RALGPS1: variants seen among roughly 807,000 people sequenced by gnomAD.
RALGPS1 encodes ras-specific guanine nucleotide-releasing factor RalGPS1.
RALGPS1 carries 19 observed loss-of-function variants against 78.8 expected under a neutral mutation model. That is an observed-to-expected ratio of 0.24 (90% CI 0.17 to 0.35). RALGPS1 has a LOEUF of 0.35. Among genes scored for constraint, RALGPS1 ranks in the 10% least tolerant of loss-of-function variants. The pLI is 1.00. For missense variants in RALGPS1, 454 were observed against 688.3 expected (o/e 0.66, Z 3.81); for synonymous variants, 228 against 256.3 (o/e 0.89, Z 1.06).
chr9:127,018,548 G>T (rs1419949497), intron 4 of RALGPS1, among the ~76,000 whole-genome samples: 2 of 151,838 alleles, frequency 1.3e-5, no homozygotes, highest in African/African-American at 2.4e-5. Flanking sequence ...CACAAGAATC[G>T]CTTGAACCTG....
chr9:127,002,962 A>G (rs940386962), intron 4 of RALGPS1, among the ~76,000 whole-genome samples: 3 of 152,184 alleles, frequency 2.0e-5, no homozygotes, highest in African/African-American at 7.2e-5. Flanking sequence ...GTATATACCC[A>G]GTAATGGGAT....
intron 5 of RALGPS1, among the ~76,000 whole-genome samples, chr9:127,048,742 T>A (rs1232586043): frequency 6.6e-6 from 1 of 152,258 alleles, no homozygotes; most frequent in Non-Finnish European, 1.5e-5. Context: ...AATATAAGGT[T>A]TATGGGCATC....
chr9:127,095,772 C>T (rs1296189838), intron 8 of RALGPS1, among the ~76,000 whole-genome samples: 4 of 152,172 alleles, frequency 2.6e-5, no homozygotes, highest in East Asian at 3.9e-4. Context: ...CTAGTTCACA[C>T]GTAATAGTTA....
At chr9:127,004,666 T>C (rs1307693205) in intron 4 of RALGPS1, among the ~76,000 whole-genome samples, 1 of 152,224 alleles carries the variant, frequency 6.6e-6, no homozygotes, top group African/African-American at 2.4e-5. Context: ...CATCTTTTTG[T>C]GTTTATTTGA....
chr9:127,104,854 A>G (rs2054066761), intron 8 of RALGPS1, among the ~76,000 whole-genome samples: 1 of 152,160 alleles, frequency 6.6e-6, no homozygotes, highest in Admixed American at 6.5e-5. Context: ...TGGCTAAGTG[A>G]TGTCCCTAAG....
intron 1 of RALGPS1, among the ~76,000 whole-genome samples, chr9:126,931,105 G>T (rs2035749284): frequency 6.6e-6 from 1 of 152,206 alleles, no homozygotes; most frequent in Admixed American, 6.5e-5. Flanking sequence ...TCACTTCATG[G>T]CCTAAAATGG....
chr9:127,147,420 C>G (rs1331918698), intron 8 of RALGPS1, among the ~76,000 whole-genome samples: 4 of 152,148 alleles, frequency 2.6e-5, no homozygotes, highest in Admixed American at 6.5e-5. Flanking sequence ...GCTGCATTAG[C>G]TTTTGGGGAC....
At chr9:127,210,061 A>G (rs560464723) in intron 14 of RALGPS1, among the ~76,000 whole-genome samples, 5 of 152,290 alleles carry the variant, frequency 3.3e-5, no homozygotes, top group African/African-American at 7.2e-5. Flanking sequence ...GAGGCTGAAC[A>G]GGAAGCTGCA....
At chr9:126,982,226 CCAG>C (rs1017306058) in intron 4 of RALGPS1, among the ~76,000 whole-genome samples, 4 of 152,164 alleles carry the variant, frequency 2.6e-5, no homozygotes, top group African/African-American at 9.7e-5. Flanking sequence ...GAGCTGGACA[CCAG>C]CAAGTAGGAA....
At position 127,218,713 on chromosome 9, in the gene RALGPS1, A is replaced by T. The variant is rs1330221974; in HGVS notation, c.1645-27A>T. ...TGTCCTTCTCTGAGGTCGGAACTTT[A>T]ACAAGAGGCTGAGCTTTCTCTTCTA... On this transcript the variant is annotated intron_variant, in intron 18 of 18. Transcript: ENST00000259351. The surrounding 1 kb of genome is among the most constrained non-coding windows in gnomAD (Gnocchi z 4.4). 1 of 1,612,264 alleles carries T rather than the reference A, an allele frequency of 6.2e-7. No homozygotes were observed. Among genetic ancestry groups the T allele is most frequent in the South Asian group, 1.1e-5 (1 of 91,036 alleles).
intron 1 of RALGPS1, among the ~76,000 whole-genome samples, chr9:126,940,963 G>A (rs950794321): frequency 2.0e-5 from 3 of 152,166 alleles, no homozygotes; most frequent in African/African-American, 7.2e-5. Context: ...ATATTGAAGT[G>A]TACAGAAATA....
chr9:127,203,926 A>G (rs1239698779), intron 14 of RALGPS1, among the ~76,000 whole-genome samples: 1 of 152,184 alleles, frequency 6.6e-6, no homozygotes, highest in Non-Finnish European at 1.5e-5. Context: ...GGTGTCTGTT[A>G]GAGTCTCATA....
chr9:127,050,308 G>A (rs112703858), intron 6 of RALGPS1, among the ~76,000 whole-genome samples, 176 bp downstream of exon 6: 1 of 152,124 alleles, frequency 6.6e-6, no homozygotes, highest in African/African-American at 2.4e-5. Context: ...AGACCTGCCT[G>A]GGTGCTCACT....
intron 4 of RALGPS1, among the ~76,000 whole-genome samples, chr9:127,020,609 G>A (rs987411522): frequency 6.6e-6 from 1 of 152,220 alleles, no homozygotes; most frequent in African/African-American, 2.4e-5. Context: ...AAAAAGGAAG[G>A]GTGGGCAGAT....
At chr9:126,916,171 G>C (rs1220957936) in intron 1 of RALGPS1, among the ~76,000 whole-genome samples, 1 of 152,198 alleles carries the variant, frequency 6.6e-6, no homozygotes, top group African/African-American at 2.4e-5. Flanking sequence ...AGGGACTGGA[G>C]AGTCTAAAGA....
At chr9:127,067,630 G>T (rs1455313871) in intron 7 of RALGPS1, among the ~76,000 whole-genome samples, 1 of 152,254 alleles carries the variant, frequency 6.6e-6, no homozygotes, top group African/African-American at 2.4e-5. Context: ...GCCTACGTCA[G>T]TCTGATGGAC....
At chr9:127,184,773 G>A (rs893358961) in intron 11 of RALGPS1, among the ~76,000 whole-genome samples, 2 of 152,386 alleles carry the variant, frequency 1.3e-5, no homozygotes, top group African/African-American at 2.4e-5. Flanking sequence ...CCAGCTCAGC[G>A]TGGGGCAGAG....
chr9:127,203,114 G>A (rs940109663), intron 14 of RALGPS1, among the ~76,000 whole-genome samples: 2 of 152,210 alleles, frequency 1.3e-5, no homozygotes, highest in Non-Finnish European at 2.9e-5. Flanking sequence ...ATCAGCCTAC[G>A]AGTTAAAGGA....
intron 4 of RALGPS1, among the ~76,000 whole-genome samples, chr9:126,999,896 T>G (rs1161650158): frequency 4.6e-5 from 7 of 152,282 alleles, no homozygotes; most frequent in Admixed American, 3.3e-4. Flanking sequence ...ATTTAGTTTC[T>G]CTAACTATTC....
Sources: gnomAD v4.1 joint callset for allele counts (sites outside exome capture counted in the v4.1 genomes callset) on GRCh38, gnomAD v4.1.1 for gene constraint, Gnocchi (gnomAD v3.1) non-coding constraint, MANE v1.5 for transcripts, NCBI Gene and HGNC (gene_info 2026-07-23, HGNC 2026-07-21) for gene names.